Variants in TOX3 observed in about 807,000 individuals in gnomAD.
TOX3 encodes TOX high mobility group box family member 3.
A neutral mutation model predicts 64.3 loss-of-function variants in TOX3; 22 were observed. The observed-to-expected ratio is 0.34, with a 90% CI of 0.24 to 0.49. The LOEUF (loss-of-function observed/expected upper bound fraction) is 0.49, where lower values mean the gene tolerates loss of function less well. TOX3 is among the 20% of genes least tolerant of loss of function. The pLI, the probability that TOX3 is intolerant of heterozygous loss-of-function variation, is 0.99. For missense variants in TOX3, 661 were observed against 714.4 expected, an observed-to-expected ratio of 0.93 and a Z score of 0.85; for synonymous variants, 291 against 273.6, an observed-to-expected ratio of 1.06 and a Z score of -0.63.
At chr16:52,527,658 C>CTTAG (rs1300733776) in intron 1 of TOX3, among the ~76,000 whole-genome samples, 1 of 152,194 alleles carries the variant, frequency 6.6e-6, no homozygotes, top group Non-Finnish European at 1.5e-5. Flanking sequence ...ACTACCTACT[C>CTTAG]CTCAGAATGA....
At chr16:52,544,687 C>G (rs576944859) in intron 1 of TOX3, among the ~76,000 whole-genome samples, 1 of 152,176 alleles carries the variant, frequency 6.6e-6, no homozygotes, top group East Asian at 1.9e-4. Flanking sequence ...TGTCTGTTTT[C>G]AAGCTTTATA....
At chr16:52,494,326 T>C (rs1283673391) in intron 1 of TOX3, among the ~76,000 whole-genome samples, 2 of 152,112 alleles carry the variant, frequency 1.3e-5, no homozygotes, top group Non-Finnish European at 2.9e-5. Flanking sequence ...CTTCTCTATG[T>C]CCCGTTCCAC....
In TOX3 at chr16:52,459,327, A is replaced by T. The variant is rs561700722; in HGVS notation, c.408+4607T>A. ...CTCTCTCTAAAAAATATGTAAAATT[A>T]AAAAAAATAACAACAAACAATATAC... On this transcript the variant is annotated intron_variant, in intron 3 of 6. Transcript: ENST00000219746. Among the ~76,000 whole-genome samples the T allele has an allele frequency of 9.8e-5, 14 of 142,772 alleles. 2 individuals carry two copies. The highest frequency in any genetic ancestry group is 3.3e-4 in the African/African-American group (13 of 39,228). The allele number at this position is 142,772 out of a possible 152,430, so 93.7% of individuals were successfully genotyped here. A position where few individuals can be genotyped will look rare whatever the true frequency, so the allele number is the denominator to read the frequency against.
intron 3 of TOX3, among the ~76,000 whole-genome samples, chr16:52,459,866 T>C (rs1960635652): frequency 6.6e-6 from 1 of 152,126 alleles, no homozygotes; most frequent in Admixed American, 6.5e-5. Context: ...TAAAAATAAA[T>C]ATAATAATTC....
chr16:52,461,522 T>C (rs1169129201), intron 3 of TOX3, among the ~76,000 whole-genome samples: 1 of 152,106 alleles, frequency 6.6e-6, no homozygotes, highest in African/African-American at 2.4e-5. Flanking sequence ...TAATCAGTAA[T>C]GTGACAAACT....
At chr16:52,469,338 C>T (rs996735720) in intron 1 of TOX3, among the ~76,000 whole-genome samples, 4 of 152,136 alleles carry the variant, frequency 2.6e-5, no homozygotes, top group Non-Finnish European at 4.4e-5. Context: ...GTTATCAAAA[C>T]GTAAAACTTG....
chr16:52,503,071 G>T (rs547102734), intron 1 of TOX3, among the ~76,000 whole-genome samples: 1 of 152,104 alleles, frequency 6.6e-6, no homozygotes, highest in Non-Finnish European at 1.5e-5. Flanking sequence ...ACAGGCAACT[G>T]GCCCATGGGT....
At chr16:52,496,619 A>G (rs1248005067) in intron 1 of TOX3, among the ~76,000 whole-genome samples, 2 of 152,250 alleles carry the variant, frequency 1.3e-5, no homozygotes, top group South Asian at 4.1e-4. Flanking sequence ...CAGCTGCACA[A>G]ACAGATTTCG....
At chr16:52,462,848 A>T (rs1960733015) in intron 3 of TOX3, among the ~76,000 whole-genome samples, 1 of 152,130 alleles carries the variant, frequency 6.6e-6, no homozygotes, top group Non-Finnish European at 1.5e-5. Flanking sequence ...GACCAAAAAA[A>T]AAAAAGTAAA....
intron 5 of TOX3, 160 bp from the exon 6 acceptor site, chr16:52,444,516 C>G (rs1479127201): frequency 6.7e-6 from 3 of 446,500 alleles, no homozygotes; most frequent in African/African-American, 6.0e-5. Context: ...CACACACACA[C>G]ACACACACAC....
At chr16:52,518,155 T>C (rs1359279736) in intron 1 of TOX3, among the ~76,000 whole-genome samples, 1 of 152,214 alleles carries the variant, frequency 6.6e-6, no homozygotes, top group East Asian at 1.9e-4. Context: ...CCTAATAATA[T>C]TTCAGGCCAG....
At chr16:52,521,235 G>A (rs1240811444) in intron 1 of TOX3, among the ~76,000 whole-genome samples, 1 of 152,170 alleles carries the variant, frequency 6.6e-6, no homozygotes, top group Non-Finnish European at 1.5e-5. Context: ...AAGGAAAATG[G>A]AAATGCTTTC....
intron 1 of TOX3, among the ~76,000 whole-genome samples, chr16:52,541,220 C>T (rs934067787): frequency 6.6e-6 from 1 of 152,100 alleles, no homozygotes; most frequent in African/African-American, 2.4e-5. Flanking sequence ...ACAAAATGAT[C>T]ACAAATTATT....
intron 1 of TOX3, among the ~76,000 whole-genome samples, chr16:52,542,684 C>T (rs1203996221): frequency 6.6e-6 from 1 of 152,136 alleles, no homozygotes; most frequent in Non-Finnish European, 1.5e-5. Context: ...GTTTAAGGCT[C>T]TTAGGAAAAC....
At chr16:52,499,684 A>G (rs778638661) in intron 1 of TOX3, among the ~76,000 whole-genome samples, 14 of 152,200 alleles carry the variant, frequency 9.2e-5, no homozygotes, top group Non-Finnish European at 1.9e-4. Context: ...GGAAAGATCT[A>G]AGACCCACCC....
At chr16:52,514,783 G>A (rs868633589) in intron 1 of TOX3, among the ~76,000 whole-genome samples, 43 of 152,142 alleles carry the variant, frequency 2.8e-4, no homozygotes, top group Admixed American at 2.5e-3. Flanking sequence ...AGGCCAAGGC[G>A]GGTGGATCAC....
At chr16:52,532,459 C>A (rs1962872353) in intron 1 of TOX3, among the ~76,000 whole-genome samples, 1 of 152,162 alleles carries the variant, frequency 6.6e-6, no homozygotes, top group African/African-American at 2.4e-5. Context: ...ACTGAGGGAC[C>A]CCGGTGGACA....
chr16:52,473,925 A>G (rs1961128073), intron 1 of TOX3, among the ~76,000 whole-genome samples: 1 of 152,220 alleles, frequency 6.6e-6, no homozygotes, highest in Non-Finnish European at 1.5e-5. Flanking sequence ...TTATGTACAT[A>G]CAATTATATA....
intron 1 of TOX3, among the ~76,000 whole-genome samples, chr16:52,542,069 T>C (rs1451260212): frequency 6.6e-6 from 1 of 152,212 alleles, no homozygotes; most frequent in African/African-American, 2.4e-5. Flanking sequence ...TTAGATTAAA[T>C]GCAGGATGTG....
Sources: allele counts gnomAD v4.1 joint callset (sites outside exome capture counted in the v4.1 genomes callset), GRCh38; gene constraint gnomAD v4.1.1; transcripts MANE v1.5; gene names NCBI Gene and HGNC (gene_info 2026-07-23, HGNC 2026-07-21).